The following KIF26B variants were observed in gnomAD, a reference collection of about 807,000 sequenced individuals.
KIF26B encodes the protein kinesin family member 26B, also known as kinesin-like protein KIF26B.
KIF26B carries 63 observed loss-of-function variants against 151.2 expected under a neutral mutation model. The ratio of observed to expected loss-of-function variants is 0.42; its 90% CI spans 0.34 to 0.51. The LOEUF (loss-of-function observed/expected upper bound fraction) is 0.51, where lower values mean the gene tolerates loss of function less well. Among genes scored for constraint, KIF26B ranks in the 20% least tolerant of loss-of-function variants. The pLI, the probability that KIF26B is intolerant of heterozygous loss-of-function variation, is 0.07. For synonymous variants in KIF26B, 1,357 were observed against 1,262.1 expected (o/e 1.08, Z -1.59); for missense variants, 2,813 against 2,913.6 (o/e 0.97, Z 0.79).
intron 2 of KIF26B, among the ~76,000 whole-genome samples, chr1:245,264,289 A>G (rs568100709): frequency 5.3e-5 from 8 of 152,184 alleles, no homozygotes; most frequent in Non-Finnish European, 1.2e-4. Flanking sequence ...CCTTTCTTAT[A>G]TCTTCAGCAA....
chr1:245,479,056 T>A (rs12126206), intron 4 of KIF26B, among the ~76,000 whole-genome samples: 13,609 of 151,612 alleles, frequency 0.09, 792 homozygotes, highest in South Asian at 0.13. Context: ...GAGGTGGAGA[T>A]GCCTACTAGA....
intron 4 of KIF26B, among the ~76,000 whole-genome samples, chr1:245,479,485 T>C (rs930539920): frequency 1.3e-5 from 2 of 151,824 alleles, no homozygotes; most frequent in African/African-American, 4.8e-5. Flanking sequence ...TTTTTTGTTG[T>C]TGTTGTTATA....
At chr1:245,343,243 A>G (rs1026014136) in intron 2 of KIF26B, among the ~76,000 whole-genome samples, 4 of 152,094 alleles carry the variant, frequency 2.6e-5, no homozygotes, top group Non-Finnish European at 5.9e-5. Context: ...TTTGGGTGTG[A>G]TGTGTTGGAA....
intron 2 of KIF26B, among the ~76,000 whole-genome samples, chr1:245,255,885 C>A (rs1013873377): frequency 1.3e-5 from 2 of 152,082 alleles, no homozygotes; most frequent in African/African-American, 4.8e-5. Context: ...AGACATGGTT[C>A]TTCTTTGGTT....
intron 5 of KIF26B, among the ~76,000 whole-genome samples, chr1:245,559,155 G>C (rs1278868853): frequency 6.6e-6 from 1 of 152,064 alleles, no homozygotes; most frequent in Non-Finnish European, 1.5e-5. Context: ...GACCAGCCTG[G>C]GCAACGTAGG....
At chr1:245,274,303 C>A (rs1385473977) in intron 2 of KIF26B, among the ~76,000 whole-genome samples, 1 of 151,992 alleles carries the variant, frequency 6.6e-6, no homozygotes, top group Non-Finnish European at 1.5e-5. Flanking sequence ...TATACACATG[C>A]CATGGTGGTT....
At chr1:245,624,445 T>G (rs75013169) in intron 9 of KIF26B, among the ~76,000 whole-genome samples, 2,441 of 152,288 alleles carry the variant, frequency 0.016, 58 homozygotes, top group African/African-American at 0.055. Flanking sequence ...GTCTTTTAAG[T>G]TTTGCCTGTT....
At position 245,156,570 on chromosome 1, in the gene KIF26B, G is replaced by A. The variant is rs545986853; in HGVS notation, c.352G>A (p.Gly118Ser). 7 of 1,531,014 alleles carry A rather than the reference G, an allele frequency of 4.6e-6. No individual in the cohort carries two copies. Among genetic ancestry groups the A allele is most frequent in the Non-Finnish European group, 6.1e-6 (7 of 1,145,192 alleles). The allele number at this position is 1,531,014 out of a possible 1,614,324, so 94.8% of individuals were successfully genotyped here. ...CTCCCCGGGCTCCGGCAGCGGCGGC[G>A]GCTCCTCCCCCGGCTCGGACCGCGG... is the stretch of plus-strand genomic sequence containing the variant. ...TGSPGSGSGG[G>S]SSPGSDRGVW... The change falls in exon 2 of 15, where the codon GGC (glycine) becomes AGC (serine). Residue 118 changes from glycine (G) to serine (S), a missense_variant. This residue lies in a region of KIF26B where 676 missense variants were observed against 688.1 expected (regional missense o/e 0.98). Coordinates refer to ENST00000407071, the MANE Select transcript of KIF26B (RefSeq NM_018012.4).
intron 2 of KIF26B, among the ~76,000 whole-genome samples, chr1:245,257,913 T>C (rs960984525): frequency 6.6e-6 from 1 of 152,070 alleles, no homozygotes; most frequent in South Asian, 2.1e-4. Context: ...TCCCAGCTAC[T>C]CGGGAGGCTG....
chr1:245,619,284 C>T (rs1021033706), intron 9 of KIF26B, among the ~76,000 whole-genome samples: 2 of 152,272 alleles, frequency 1.3e-5, no homozygotes, highest in African/African-American at 4.8e-5. Flanking sequence ...AGTGCTGGGG[C>T]TGTGTCCGCT....
chr1:245,561,546 G>A (rs1407606074), intron 5 of KIF26B, among the ~76,000 whole-genome samples: 1 of 152,166 alleles, frequency 6.6e-6, no homozygotes, highest in Non-Finnish European at 1.5e-5. Context: ...ACTGTTCTGA[G>A]TGCATTACAT....
chr1:245,306,720 T>C (rs1671562254), intron 2 of KIF26B, among the ~76,000 whole-genome samples: 1 of 152,206 alleles, frequency 6.6e-6, no homozygotes, highest in Non-Finnish European at 1.5e-5. Context: ...AAACTGGATA[T>C]GTTTTCTCCT....
chr1:245,172,174 G>A (rs1240126123), intron 2 of KIF26B, among the ~76,000 whole-genome samples: 1 of 152,098 alleles, frequency 6.6e-6, no homozygotes, highest in Non-Finnish European at 1.5e-5. Context: ...ATGTAAAGAT[G>A]ACTAAGACGC....
chr1:245,313,796 C>G (rs1479014720), intron 2 of KIF26B, among the ~76,000 whole-genome samples: 1 of 152,202 alleles, frequency 6.6e-6, no homozygotes, highest in Non-Finnish European at 1.5e-5. Context: ...GGTGCACATA[C>G]CATTTTCGTC....
At chr1:245,250,058 G>A (rs144557449) in intron 2 of KIF26B, among the ~76,000 whole-genome samples, 5 of 152,178 alleles carry the variant, frequency 3.3e-5, no homozygotes, top group Admixed American at 6.5e-5. Context: ...AACATGATCC[G>A]TGTAGCTTTC....
rs1385464828 is a variant in KIF26B, at chr1:245,572,138, T to G, written c.1351-30439T>G. 6.6e-6 allele frequency among the ~76,000 whole-genome samples: 1 copy of G among 152,206 alleles called. No individual in the cohort carries two copies. The highest frequency in any genetic ancestry group is 2.4e-5 in the African/African-American group (1 of 41,444). On this transcript the variant is annotated intron_variant, in intron 5 of 14. Transcript: ENST00000407071. This position sits in a 1 kb window ranked among gnomAD's most constrained non-coding sequence, Gnocchi z 4.2. Reference sequence around the variant, plus strand: ...AAGGCTACAAGACCAAGGGCTTGTGTACCTGCCCCAACAGAGACAGGCTGA... The same window carrying G: ...AAGGCTACAAGACCAAGGGCTTGTGGACCTGCCCCAACAGAGACAGGCTGA...
intron 2 of KIF26B, among the ~76,000 whole-genome samples, chr1:245,221,377 TAAAAA>T (rs74163026): frequency 3.0e-5 from 4 of 132,030 alleles, no homozygotes; most frequent in Admixed American, 7.7e-5. Flanking sequence ...AAGTTTGAAG[TAAAAA>T]AAAAAAAAAA....
At position 245,318,904 on chromosome 1, in the gene KIF26B, A is replaced by G. The variant is rs1174332670; in HGVS notation, c.466-47930A>G. Among the ~76,000 whole-genome samples, 1 of 152,182 alleles carries G rather than the reference A, an allele frequency of 6.6e-6. No homozygotes were observed. Among genetic ancestry groups the G allele is most frequent in the Non-Finnish European group, 1.5e-5 (1 of 68,036 alleles). On this transcript the variant is annotated intron_variant, in intron 2 of 14. Coordinates refer to ENST00000407071, the MANE Select transcript of KIF26B (RefSeq NM_018012.4). This position sits in a 1 kb window ranked among gnomAD's most constrained non-coding sequence, Gnocchi z 4.0. ...GATGAGGAAAAAAAAACAAAAACCA[A>G]AATCTACTGCATTTTACTCCTATTT... is the stretch of plus-strand genomic sequence containing the variant.
rs796694647 is a variant in KIF26B at position 245,276,455 on chromosome 1, A to C, written c.466-90379A>C. Among the ~76,000 whole-genome samples, 3 of 152,216 alleles carry C rather than the reference A, an allele frequency of 2.0e-5. No homozygotes were observed. In the South Asian group the frequency reaches 6.2e-4, roughly 32 times the overall value. On this transcript the variant is annotated intron_variant, in intron 2 of 14. Coordinates refer to ENST00000407071, the MANE Select transcript of KIF26B (RefSeq NM_018012.4). ...TTTATTTTGTGCTGAGCTAGAGGGC[A>C]TGGACTATGACAAATAAGTACATGC...
Sources: allele counts gnomAD v4.1 joint callset (sites outside exome capture counted in the v4.1 genomes callset), GRCh38; gene constraint gnomAD v4.1.1; regional missense constraint gnomAD v4.1.1; non-coding constraint Gnocchi (gnomAD v3.1); transcripts MANE v1.5; gene names NCBI Gene and HGNC (gene_info 2026-07-23, HGNC 2026-07-21).